The following RB1 variants were observed in gnomAD, a reference collection of about 807,000 sequenced individuals.
RB1 encodes the protein retinoblastoma-associated protein.
RB1 carries 18 observed loss-of-function variants against 135.4 expected under a neutral mutation model. The ratio of observed to expected loss-of-function variants is 0.13; its 90% confidence interval spans 0.09 to 0.20. RB1 has a LOEUF of 0.20. Among genes scored for constraint, RB1 ranks in the 10% least tolerant of loss-of-function variants. The probability of loss-of-function intolerance (pLI) is 1.00; values close to 1 mark genes in which losing one functional copy is unlikely to be tolerated. For missense variants in RB1, 868 were observed against 1,110.0 expected (o/e 0.78, Z 3.10); for synonymous variants, 365 against 373.2 (o/e 0.98, Z 0.25).
At chr13:48,465,500 A>C in intron 23 of RB1, 132 bp downstream of exon 23, 1 of 1,026,308 alleles carries the variant, frequency 9.7e-7, no homozygotes, top group Non-Finnish European at 1.5e-6. Flanking sequence ...TATTTAAGTA[A>C]CATAATAAGA....
intron 17 of RB1, among the ~76,000 whole-genome samples, chr13:48,408,380 C>T (rs1384617817): frequency 1.3e-5 from 2 of 151,994 alleles, no homozygotes; most frequent in African/African-American, 2.4e-5. Flanking sequence ...CATTTTTCCA[C>T]ACCTGAAAAA....
intron 2 of RB1, chr13:48,333,316 A>G: frequency 2.8e-6 from 1 of 351,936 alleles, no homozygotes; most frequent in Non-Finnish European, 5.1e-6. Context: ...AGTTGTAGGA[A>G]TTAATCTCCT....
At chr13:48,453,966 T>G (rs1949344821) in intron 18 of RB1, among the ~76,000 whole-genome samples, 1 of 152,216 alleles carries the variant, frequency 6.6e-6, no homozygotes, top group Non-Finnish European at 1.5e-5. Flanking sequence ...TTCAGCTTAA[T>G]TTTTTCCTTT....
intron 2 of RB1, chr13:48,318,376 G>A (rs569389722): frequency 1.3e-4 from 191 of 1,484,660 alleles, no homozygotes; most frequent in Non-Finnish European, 1.6e-4. Flanking sequence ...TTGAGCTTTC[G>A]CTTGGACCTT....
At chr13:48,428,833 G>T (rs191364123) in intron 17 of RB1, among the ~76,000 whole-genome samples, 2 of 152,284 alleles carry the variant, frequency 1.3e-5, no homozygotes, top group East Asian at 1.9e-4. Flanking sequence ...GGTTTTCTGT[G>T]AATAGTAAAT....
rs188501953 is a variant in RB1 at position 48,432,003 on chromosome 13, T to C, written c.1696-20990T>C. 2.6e-5 allele frequency among the ~76,000 whole-genome samples: 4 copies of C among 152,304 alleles called. No homozygotes were observed. In the East Asian group the frequency reaches 5.8e-4, roughly 22 times the overall value. On this transcript the variant is annotated intron_variant, in intron 17 of 26. Transcript: ENST00000267163. ...ACAAAATCCCTGAGCTTATATTTTA[T>C]TTGGAGAAGACAATCAATAAATAAA...
chr13:48,344,358 G>A (rs1952473530), intron 3 of RB1, among the ~76,000 whole-genome samples: 1 of 152,194 alleles, frequency 6.6e-6, no homozygotes, highest in Admixed American at 6.5e-5. Flanking sequence ...AGAGCAGGAT[G>A]TTAGAGTCAA....
At chr13:48,392,886 T>C (rs1223674978) in intron 17 of RB1, among the ~76,000 whole-genome samples, 4 of 152,194 alleles carry the variant, frequency 2.6e-5, no homozygotes, top group African/African-American at 9.6e-5. Flanking sequence ...CCTTTCACTA[T>C]TTTGACCTGT....
chr13:48,403,308 C>T (rs934537146), intron 17 of RB1, among the ~76,000 whole-genome samples: 4 of 151,940 alleles, frequency 2.6e-5, no homozygotes, highest in African/African-American at 4.8e-5. Flanking sequence ...ACACTTCTAC[C>T]TCCTTTCTCC....
chr13:48,360,318 T>C, intron 7 of RB1, 191 bp downstream of exon 7: 1 of 1,277,938 alleles, frequency 7.8e-7, no homozygotes, highest in Non-Finnish European at 1.0e-6. Flanking sequence ...GAGTATATGG[T>C]AGAAAGTGGT....
chr13:48,442,108 G>T (rs1949242829), intron 17 of RB1, among the ~76,000 whole-genome samples: 1 of 152,066 alleles, frequency 6.6e-6, no homozygotes, highest in South Asian at 2.1e-4. Context: ...ATTCAGACAT[G>T]CTAGCTTCAA....
chr13:48,380,387 G>T (rs1472479364), intron 16 of RB1, 146 bp downstream of exon 16: 7 of 628,426 alleles, frequency 1.1e-5, no homozygotes, highest in Non-Finnish European at 1.9e-5. Context: ...AATGTAATTG[G>T]TCATTATAAG....
chr13:48,360,275 G>C (rs1471567568), intron 7 of RB1, 148 bp downstream of exon 7: 9 of 1,462,296 alleles, frequency 6.2e-6, no homozygotes, highest in Non-Finnish European at 8.1e-6. Context: ...GTAAGTTATA[G>C]AAGGAAAGAT....
chr13:48,364,853 T>G, intron 8 of RB1, 41 bp from the exon 9 acceptor site: 1 of 1,540,418 alleles, frequency 6.5e-7, no homozygotes, highest in African/African-American at 1.4e-5. Flanking sequence ...TAGATTTTGT[T>G]TTAAATTTTA....
chr13:48,318,245 C>A, intron 2 of RB1: 1 of 728,746 alleles, frequency 1.4e-6, no homozygotes, highest in Non-Finnish European at 2.2e-6. Context: ...AGCTATTAAG[C>A]ACCGGCGGGC....
chr13:48,305,775 G>A (rs185992641), intron 1 of RB1, among the ~76,000 whole-genome samples: 8 of 152,276 alleles, frequency 5.3e-5, no homozygotes, highest in East Asian at 3.9e-4. Context: ...AACCGCTGCC[G>A]TGCAGTCTGA....
At chr13:48,308,594 AGTGAGCC>A (rs1327103188) in intron 2 of RB1, among the ~76,000 whole-genome samples, 6 of 151,836 alleles carry the variant, frequency 4.0e-5, no homozygotes, top group Non-Finnish European at 8.8e-5. Flanking sequence ...CAGAGTTTGC[AGTGAGCC>A]GTGATCATGC....
At chr13:48,439,515 A>C (rs1047983586) in intron 17 of RB1, 1 of 152,192 alleles carries the variant, frequency 6.6e-6, no homozygotes, top group African/African-American at 2.4e-5. Context: ...ACCAGTCCAC[A>C]CAACATTTTT....
At chr13:48,318,318 C>T in intron 2 of RB1, 1 of 1,327,390 alleles carries the variant, frequency 7.5e-7, no homozygotes, top group Non-Finnish European at 1.0e-6. Flanking sequence ...CTGGGCAGTG[C>T]TGAACCTGAC....
Sources: allele counts gnomAD v4.1 joint callset (sites outside exome capture counted in the v4.1 genomes callset), GRCh38; gene constraint gnomAD v4.1.1; transcripts MANE v1.5; gene names NCBI Gene and HGNC (gene_info 2026-07-23, HGNC 2026-07-21).